TMEM120B: variants seen among roughly 807,000 people sequenced by gnomAD.
TMEM120B encodes the protein transmembrane protein 120B.
TMEM120B carries 31 observed loss-of-function variants against 55.5 expected under a neutral mutation model. That is an observed-to-expected ratio of 0.56 (90% CI 0.42 to 0.75). The LOEUF (loss-of-function observed/expected upper bound fraction) is 0.75. Among genes scored for constraint, TMEM120B ranks in the 30% least tolerant of loss-of-function variants. The pLI, the probability that TMEM120B is intolerant of heterozygous loss-of-function variation, is 0.00. For missense variants in TMEM120B, 399 were observed against 425.5 expected (o/e 0.94, Z 0.55); for synonymous variants, 203 against 176.3 (o/e 1.15, Z -1.20).
intron 5 of TMEM120B, among the ~76,000 whole-genome samples, chr12:121,757,140 T>TGG (rs34691916): frequency 9.8e-5 from 13 of 132,110 alleles, no homozygotes; most frequent in Middle Eastern, 3.6e-3. Flanking sequence ...CCCTGGGCGG[T>TGG]GGGGGGGGGG....
In TMEM120B at chr12:121,775,247, TGTGGGG is replaced by T; in HGVS notation, c.906+124_906+129del. ...TCCTGGGGAGGGCTGGGATGGCAGA[TGTGGGG>T]GTGGGGTGTGTGCGTGTGTGTGGTG... On this transcript the variant is annotated intron_variant, in intron 11 of 11. Coordinates refer to ENST00000449592, the MANE Select transcript of TMEM120B (RefSeq NM_001080825.2). The surrounding 1 kb of genome is among the most constrained non-coding windows in gnomAD (Gnocchi z 4.3). 1.5e-6 allele frequency: 1 copy of T among 675,656 alleles called. No individual in the cohort carries two copies. The highest frequency in any genetic ancestry group is 2.1e-6 in the Non-Finnish European group (1 of 476,680). The allele number at this position is 675,656 out of a possible 1,614,324, so 41.9% of individuals were successfully genotyped here.
intron 5 of TMEM120B, among the ~76,000 whole-genome samples, chr12:121,760,626 TG>T (rs1317999156): frequency 1.3e-5 from 2 of 152,336 alleles, no homozygotes; most frequent in African/African-American, 4.8e-5. Flanking sequence ...TGAGCCCACT[TG>T]CTCAGCTCCT....
In TMEM120B at chr12:121,779,678, A is replaced by G. The variant is rs1874376219; in HGVS notation, c.*3956A>G. On this transcript the variant is annotated 3_prime_UTR_variant, in exon 12 of 12. Transcript: ENST00000449592. ...CGCTCAGGCCCTGGGTGGGGGGAGGAGCCAGCATTAGGTGAGGGGCCCCTG... is the reference window on the plus strand; with the variant it reads ...CGCTCAGGCCCTGGGTGGGGGGAGGGGCCAGCATTAGGTGAGGGGCCCCTG... 1.2e-6 allele frequency: 2 copies of G among 1,613,058 alleles called. No individual in the cohort carries two copies. The highest frequency in any genetic ancestry group is 1.7e-6 in the Non-Finnish European group (2 of 1,179,662).
chr12:121,714,772 G>A (rs1385704310), intron 1 of TMEM120B, among the ~76,000 whole-genome samples: 2 of 148,596 alleles, frequency 1.3e-5, no homozygotes, highest in Non-Finnish European at 3.0e-5. Context: ...ATGTTGGCCA[G>A]GATGGTCTCA....
intron 1 of TMEM120B, among the ~76,000 whole-genome samples, chr12:121,719,973 T>C (rs1270140217): frequency 6.6e-6 from 1 of 152,184 alleles, no homozygotes; most frequent in Non-Finnish European, 1.5e-5. Flanking sequence ...GTGCTGGGAT[T>C]ATAGGCATGA....
intron 1 of TMEM120B, among the ~76,000 whole-genome samples, chr12:121,739,682 G>T (rs577574960): frequency 6.6e-6 from 1 of 151,864 alleles, no homozygotes; most frequent in Admixed American, 6.6e-5. Context: ...ATGTTGACCA[G>T]GCTGGTCTTG....
At chr12:121,713,624 G>C (rs1894642150) in intron 1 of TMEM120B, among the ~76,000 whole-genome samples, 1 of 152,128 alleles carries the variant, frequency 6.6e-6, no homozygotes, top group Non-Finnish European at 1.5e-5. Context: ...AGCCTTACAC[G>C]GGGTGGAGTG....
chr12:121,717,453 C>T (rs1223141837), intron 1 of TMEM120B, among the ~76,000 whole-genome samples: 2 of 152,152 alleles, frequency 1.3e-5, no homozygotes, highest in African/African-American at 4.8e-5. Context: ...ATTAATAACC[C>T]TATGAAATTG....
At chr12:121,720,262 T>C (rs984201784) in intron 1 of TMEM120B, among the ~76,000 whole-genome samples, 1 of 152,204 alleles carries the variant, frequency 6.6e-6, no homozygotes, top group African/African-American at 2.4e-5. Context: ...ATACCGTTCA[T>C]GGATTCTGAC....
chr12:121,755,510 A>T (rs910664546), intron 5 of TMEM120B, among the ~76,000 whole-genome samples: 5 of 152,302 alleles, frequency 3.3e-5, no homozygotes, highest in African/African-American at 9.6e-5. Context: ...AGGTAGTCAG[A>T]GTTAATTTTG....
At chr12:121,717,292 C>G (rs1163393187) in intron 1 of TMEM120B, among the ~76,000 whole-genome samples, 3 of 152,214 alleles carry the variant, frequency 2.0e-5, no homozygotes, top group African/African-American at 7.2e-5. Context: ...CAGCTTTTCC[C>G]TAAGTCTGAC....
At chr12:121,746,622 G>A (rs1339392124) in intron 2 of TMEM120B, among the ~76,000 whole-genome samples, 2 of 152,084 alleles carry the variant, frequency 1.3e-5, no homozygotes, top group African/African-American at 2.4e-5. Context: ...CGTATGTGCT[G>A]GGACTATAAC....
intron 1 of TMEM120B, among the ~76,000 whole-genome samples, chr12:121,735,852 G>A (rs1292617018): frequency 6.6e-6 from 1 of 151,938 alleles, no homozygotes; most frequent in African/African-American, 2.4e-5. Context: ...CACCACACAC[G>A]GCTAATTTTT....
chr12:121,728,684 A>C lies in TMEM120B; in HGVS notation c.70-14945A>C, dbSNP rs530431263. The stretch of plus-strand genomic sequence containing the variant: ...GGAAGGTAAAACAGAACAGCACAGA[A>C]CGTGTTTACTTATGTAATTAGGAAG... On this transcript the variant is annotated intron_variant, in intron 1 of 11. Coordinates refer to ENST00000449592, the MANE Select transcript of TMEM120B (RefSeq NM_001080825.2). Among the ~76,000 whole-genome samples the C allele has an allele frequency of 9.2e-5, 14 of 152,254 alleles. No individual in the cohort carries two copies. In the South Asian group the frequency reaches 2.9e-3, roughly 32 times the overall value.
chr12:121,738,639 A>G (rs141430328), intron 1 of TMEM120B, among the ~76,000 whole-genome samples: 58 of 152,294 alleles, frequency 3.8e-4, no homozygotes, highest in African/African-American at 1.3e-3. Flanking sequence ...GCCTTTCTCC[A>G]CACAGATAAC....
In TMEM120B at chr12:121,773,474, C is replaced by T. The variant is rs1440075920; in HGVS notation, c.733C>T (p.Arg245Trp). ...CCAGAGGGGCTGCCTCTACCGGCTG[C>T]GGGCCCTGGGGGAGAGGAACCACCT... is the stretch of plus-strand genomic sequence containing the variant. Reference protein sequence around the residue: ...YYQRGCLYRLRALGERNHLDL... With the variant: ...YYQRGCLYRLWALGERNHLDL... Residue 245 changes from arginine to tryptophan, a missense_variant, in exon 9 of 12, where the codon CGG becomes TGG. Transcript: ENST00000449592. 1.2e-6 allele frequency: 2 copies of T among 1,607,296 alleles called. No homozygotes were observed. Among genetic ancestry groups the T allele is most frequent in the South Asian group, 1.1e-5 (1 of 90,408 alleles).
At chr12:121,742,958 T>A (rs1258358070) in intron 1 of TMEM120B, among the ~76,000 whole-genome samples, 1 of 152,198 alleles carries the variant, frequency 6.6e-6, no homozygotes, top group Non-Finnish European at 1.5e-5. Context: ...AGTCCAGAGA[T>A]AAGGGGTTGT....
intron 2 of TMEM120B, among the ~76,000 whole-genome samples, chr12:121,744,957 A>G (rs1310488655): frequency 6.6e-6 from 1 of 152,162 alleles, no homozygotes; most frequent in East Asian, 1.9e-4. Flanking sequence ...CTCAGAGTCT[A>G]GAGTTTCTTC....
chr12:121,724,474 G>A (rs1300109589), intron 1 of TMEM120B, among the ~76,000 whole-genome samples: 1 of 151,742 alleles, frequency 6.6e-6, no homozygotes, highest in African/African-American at 2.4e-5. Flanking sequence ...CACTGCACCT[G>A]GCTGTACTAT....
Sources: allele counts gnomAD v4.1 joint callset (sites outside exome capture counted in the v4.1 genomes callset), GRCh38; gene constraint gnomAD v4.1.1; non-coding constraint Gnocchi (gnomAD v3.1); transcripts MANE v1.5; gene names NCBI Gene and HGNC (gene_info 2026-07-23, HGNC 2026-07-21).